LOC128462377: variants seen among roughly 807,000 people sequenced by gnomAD.
At chr16:89,398,038 AAAATT>A in the LOC128462377 span, among the ~76,000 whole-genome samples, 1 of 152,268 alleles carries the variant, frequency 6.6e-6, no homozygotes, top group African/African-American at 2.4e-5. Flanking sequence ...CTATGTGAAT[AAAATT>A]AAATTGTGTT....
the LOC128462377 span, among the ~76,000 whole-genome samples, chr16:89,347,624 AG>A: frequency 2.0e-5 from 3 of 150,400 alleles, no homozygotes; most frequent in South Asian, 4.2e-4. Flanking sequence ...AAAAAAAAAA[AG>A]GTTCTGTTCT....
the LOC128462377 span, among the ~76,000 whole-genome samples, chr16:89,374,427 C>G: frequency 6.6e-6 from 1 of 152,086 alleles, no homozygotes; most frequent in Non-Finnish European, 1.5e-5. Context: ...CTGAACGATA[C>G]AACAGGAACT....
At chr16:89,364,978 A>G in the LOC128462377 span, among the ~76,000 whole-genome samples, 4,479 of 152,342 alleles carry the variant, frequency 0.029, 149 homozygotes, top group African/African-American at 0.075. Context: ...AAATTTTGGC[A>G]TGGAAATCAC....
chr16:89,396,995 A>G, the LOC128462377 span, among the ~76,000 whole-genome samples: 2 of 151,664 alleles, frequency 1.3e-5, no homozygotes, highest in African/African-American at 4.8e-5. Context: ...TGACCAGATC[A>G]CTAATTTTTT....
chr16:89,326,901 G>A, the LOC128462377 span, among the ~76,000 whole-genome samples: 1 of 152,214 alleles, frequency 6.6e-6, no homozygotes, highest in Non-Finnish European at 1.5e-5. Context: ...ACGTGGGGCT[G>A]ACAGGACTAA....
At chr16:89,396,384 G>A in the LOC128462377 span, among the ~76,000 whole-genome samples, 6 of 152,110 alleles carry the variant, frequency 3.9e-5, no homozygotes, top group South Asian at 2.1e-4. Context: ...CGCACTCGCC[G>A]CAAGAGAGAC....
chr16:89,361,815 T>C, the LOC128462377 span: 1 of 151,958 alleles, frequency 6.6e-6, no homozygotes, highest in African/African-American at 2.4e-5. Flanking sequence ...TTGGGAAAAT[T>C]AACCCTAAAC....
chr16:89,399,072 A>G, the LOC128462377 span, among the ~76,000 whole-genome samples: 2 of 152,224 alleles, frequency 1.3e-5, no homozygotes, highest in African/African-American at 4.8e-5. Context: ...GCCTCAACAG[A>G]AACTGCATCA....
the LOC128462377 span, among the ~76,000 whole-genome samples, chr16:89,381,535 A>C: frequency 6.6e-6 from 1 of 152,194 alleles, no homozygotes; most frequent in Admixed American, 6.5e-5. Context: ...CTAGTTTATA[A>C]AACATGCACT....
At chr16:89,364,991 T>C in the LOC128462377 span, among the ~76,000 whole-genome samples, 2 of 152,236 alleles carry the variant, frequency 1.3e-5, no homozygotes, top group East Asian at 3.9e-4. Context: ...GAAATCACAT[T>C]CTAAGACGCT....
At chr16:89,346,942 C>A in the LOC128462377 span, among the ~76,000 whole-genome samples, 1 of 152,192 alleles carries the variant, frequency 6.6e-6, no homozygotes, top group African/African-American at 2.4e-5. Context: ...GAACAAGCTA[C>A]ACGACACAAT....
chr16:89,318,016 G>A, the LOC128462377 span, among the ~76,000 whole-genome samples: 1 of 152,116 alleles, frequency 6.6e-6, no homozygotes, highest in Non-Finnish European at 1.5e-5. Context: ...AGCCACTCCC[G>A]AACTATTTGC....
chr16:89,317,738 T>C, the LOC128462377 span, among the ~76,000 whole-genome samples: 3 of 152,178 alleles, frequency 2.0e-5, no homozygotes, highest in Admixed American at 6.5e-5. Flanking sequence ...CGAGGACACA[T>C]ACTGTATTAA....
the LOC128462377 span, among the ~76,000 whole-genome samples, chr16:89,319,380 T>C: frequency 1.3e-5 from 2 of 152,182 alleles, no homozygotes; most frequent in Admixed American, 6.5e-5. Flanking sequence ...GTGGAGGAAG[T>C]GGGTCGCACC....
At chr16:89,394,982 C>T in the LOC128462377 span, among the ~76,000 whole-genome samples, 1 of 152,200 alleles carries the variant, frequency 6.6e-6, no homozygotes, top group Non-Finnish European at 1.5e-5. Context: ...TTAAAAAGAT[C>T]TCCAAACCAG....
chr16:89,354,818 C>T, the LOC128462377 span, among the ~76,000 whole-genome samples: 1 of 150,942 alleles, frequency 6.6e-6, no homozygotes, highest in Non-Finnish European at 1.5e-5. Context: ...ACCCAGGAGG[C>T]GGAGGTTGCA....
At chr16:89,340,951 G>A in the LOC128462377 span, among the ~76,000 whole-genome samples, 1 of 152,146 alleles carries the variant, frequency 6.6e-6, no homozygotes, top group Non-Finnish European at 1.5e-5. Context: ...GTGAACATCA[G>A]CCAATAGAGT....
the LOC128462377 span, among the ~76,000 whole-genome samples, chr16:89,357,949 A>G: frequency 6.6e-6 from 1 of 152,244 alleles, no homozygotes; most frequent in East Asian, 1.9e-4. Flanking sequence ...AATCCTTTCA[A>G]AACAATCAGA....
At chr16:89,324,180 G>A in the LOC128462377 span, 2 of 1,157,968 alleles carry the variant, frequency 1.7e-6, no homozygotes, top group Admixed American at 3.8e-5. Context: ...ATCACGGCGG[G>A]GGGTGGCAGC....
Sources: gnomAD v4.1 joint callset for allele counts (sites outside exome capture counted in the v4.1 genomes callset) on GRCh38, gnomAD v4.1.1 for gene constraint, MANE v1.5 for transcripts.